Variants in ROBO1 observed in about 807,000 individuals in gnomAD.
ROBO1 encodes the protein roundabout guidance receptor 1, also known as roundabout homolog 1.
Under a neutral mutation model 195.9 loss-of-function variants are expected in ROBO1, and 149 were observed. The ratio of observed to expected loss-of-function variants is 0.76; its 90% CI spans 0.67 to 0.87. The LOEUF (loss-of-function observed/expected upper bound fraction) is 0.87. Ranked by LOEUF, ROBO1 falls within the 40% of genes least tolerant of loss-of-function variation. ROBO1 has a pLI of 0.00. For missense variants in ROBO1, 1,933 were observed against 2,068.3 expected (o/e 0.93, Z 1.27); for synonymous variants, 816 against 733.2 (o/e 1.11, Z -1.82).
chr3:79,125,070 A>G (rs555225305), intron 3 of ROBO1, among the ~76,000 whole-genome samples: 69 of 152,274 alleles, frequency 4.5e-4, no homozygotes, highest in African/African-American at 1.6e-3. Flanking sequence ...TAAAAAAAAA[A>G]AAGTACAGAT....
chr3:79,207,080 T>C (rs2081880930), intron 2 of ROBO1, among the ~76,000 whole-genome samples: 1 of 152,158 alleles, frequency 6.6e-6, no homozygotes, highest in Admixed American at 6.6e-5. Flanking sequence ...CTTTAGATTA[T>C]TGCATTACAT....
intron 2 of ROBO1, among the ~76,000 whole-genome samples, chr3:79,245,371 G>A (rs2082604647): frequency 6.6e-6 from 1 of 151,986 alleles, no homozygotes; most frequent in South Asian, 2.1e-4. Flanking sequence ...ACTGCACTAG[G>A]GTTATTGAAT....
chr3:78,929,293 C>T (rs1212396308), intron 4 of ROBO1, among the ~76,000 whole-genome samples: 1 of 152,018 alleles, frequency 6.6e-6, no homozygotes, highest in African/African-American at 2.4e-5. Flanking sequence ...CCCCAGATAA[C>T]CAGATGCACC....
At chr3:79,319,574 A>G (rs949501955) in intron 2 of ROBO1, among the ~76,000 whole-genome samples, 3 of 152,128 alleles carry the variant, frequency 2.0e-5, no homozygotes, top group African/African-American at 7.2e-5. Context: ...TAAAATAAAC[A>G]TTATCTTAAT....
At chr3:79,276,326 C>T (rs2031032001) in intron 2 of ROBO1, among the ~76,000 whole-genome samples, 1 of 151,852 alleles carries the variant, frequency 6.6e-6, no homozygotes, top group South Asian at 2.1e-4. Flanking sequence ...CATACATCTA[C>T]ACTCAACTCA....
At chr3:79,439,726 A>T (rs1304157970) in intron 2 of ROBO1, among the ~76,000 whole-genome samples, 1 of 152,126 alleles carries the variant, frequency 6.6e-6, no homozygotes, top group Non-Finnish European at 1.5e-5. Flanking sequence ...TTTTAATGTA[A>T]ATCTATTTTC....
Position 78,938,878 on chromosome 3 carries a change from A to C in ROBO1, c.222T>G (p.Pro74=), listed in dbSNP as rs746366488. Residue 74 remains proline, a synonymous_variant, in exon 4 of 31, where the codon CCT becomes CCG. Transcript: ENST00000464233. ...EDFPPRIVEH[P]SDLIVSKGEP... Reference sequence around the variant, plus strand: ...CTCCTTTTGAGACAATCAGGTCTGAAGGGTGTTCAACAATGCGAGGTGGAA... The same window carrying C: ...CTCCTTTTGAGACAATCAGGTCTGACGGGTGTTCAACAATGCGAGGTGGAA... 1.3e-5 allele frequency: 21 copies of C among 1,613,826 alleles called. No homozygotes were observed. In the African/African-American group the frequency reaches 2.5e-4, roughly 19 times the overall value.
At chr3:78,812,967 G>C (rs2108635687) in intron 4 of ROBO1, among the ~76,000 whole-genome samples, 1 of 152,030 alleles carries the variant, frequency 6.6e-6, no homozygotes, top group South Asian at 2.1e-4. Flanking sequence ...ACTTCTAAAA[G>C]CATTTTTACC....
At chr3:79,429,634 T>C (rs1387375846) in intron 2 of ROBO1, among the ~76,000 whole-genome samples, 1 of 152,124 alleles carries the variant, frequency 6.6e-6, no homozygotes, top group Non-Finnish European at 1.5e-5. Context: ...AGAAACACCC[T>C]GTTGGCTCTA....
intron 2 of ROBO1, among the ~76,000 whole-genome samples, chr3:79,352,380 A>G (rs987875124): frequency 1.3e-5 from 2 of 152,206 alleles, no homozygotes; most frequent in African/African-American, 4.8e-5. Flanking sequence ...CCAGGTATCC[A>G]TCGCTCAGCT....
intron 4 of ROBO1, among the ~76,000 whole-genome samples, chr3:78,924,424 G>A (rs2039101644): frequency 6.6e-6 from 1 of 152,096 alleles, no homozygotes; most frequent in Non-Finnish European, 1.5e-5. Flanking sequence ...GTTAGAGGGA[G>A]AGGGATTCCT....
chr3:79,278,102 T>C (rs1264453707), intron 2 of ROBO1, among the ~76,000 whole-genome samples: 1 of 152,034 alleles, frequency 6.6e-6, no homozygotes, highest in Non-Finnish European at 1.5e-5. Flanking sequence ...GTAATAAATT[T>C]AGCAAGGAGA....
In ROBO1 at chr3:79,244,555, G is replaced by T. The variant is rs562346452; in HGVS notation, c.89-119016C>A. 3.3e-5 allele frequency among the ~76,000 whole-genome samples: 5 copies of T among 152,202 alleles called. No individual in the cohort carries two copies. The South Asian group carries it at 1.0e-3, about 32-fold the overall frequency. The stretch of plus-strand genomic sequence containing the variant: ...TTGTGCTTTGCTTTTGTGAAAAACA[G>T]TTGTCAAATGTGTTTTTGATAAGAA... On this transcript the variant is annotated intron_variant, in intron 2 of 30. Coordinates refer to ENST00000464233, the MANE Select transcript of ROBO1 (RefSeq NM_002941.4).
intron 4 of ROBO1, among the ~76,000 whole-genome samples, chr3:78,788,041 G>A (rs1394103327): frequency 7.0e-6 from 1 of 143,166 alleles, no homozygotes; most frequent in Non-Finnish European, 1.5e-5. Flanking sequence ...CCGGGTTGAC[G>A]CCATTCTCCT....
At chr3:79,121,811 A>G (rs1328704762) in intron 3 of ROBO1, among the ~76,000 whole-genome samples, 3 of 151,984 alleles carry the variant, frequency 2.0e-5, no homozygotes, top group Non-Finnish European at 4.4e-5. Flanking sequence ...GTTACTCAGA[A>G]AAAGGAATAA....
chr3:79,397,062 A>C (rs2037181988), intron 2 of ROBO1, among the ~76,000 whole-genome samples: 1 of 152,066 alleles, frequency 6.6e-6, no homozygotes, highest in African/African-American at 2.4e-5. Context: ...CTGGATACTA[A>C]AACGTGAAAA....
chr3:79,715,059 G>C lies in ROBO1; in HGVS notation c.-51+52693C>G, dbSNP rs551118440. ...ATGTGTTGAATTACTGCAATCTCAT[G>C]ATACAATATTAGCAGATGAGAAATT... On this transcript the variant is annotated intron_variant, in intron 1 of 30. Coordinates refer to ENST00000464233, the MANE Select transcript of ROBO1 (RefSeq NM_002941.4). Among the ~76,000 whole-genome samples the C allele has an allele frequency of 2.0e-5, 3 of 152,102 alleles. No homozygotes were observed. The South Asian group carries it at 6.2e-4, about 32-fold the overall frequency.
At chr3:79,432,230 G>C (rs967999263) in intron 2 of ROBO1, among the ~76,000 whole-genome samples, 1 of 152,032 alleles carries the variant, frequency 6.6e-6, no homozygotes, top group African/African-American at 2.4e-5. Context: ...GTCAAGACAA[G>C]ACCCAGGTAT....
At chr3:78,640,950 G>C (rs912369328) in intron 21 of ROBO1, among the ~76,000 whole-genome samples, 2 of 152,080 alleles carry the variant, frequency 1.3e-5, no homozygotes, top group Non-Finnish European at 2.9e-5. Flanking sequence ...ATAGTCTACT[G>C]AGTAAAATTT....
Sources: allele counts gnomAD v4.1 joint callset (sites outside exome capture counted in the v4.1 genomes callset), GRCh38; gene constraint gnomAD v4.1.1; transcripts MANE v1.5; gene names NCBI Gene and HGNC (gene_info 2026-07-23, HGNC 2026-07-21).